Variants in PTPRN2 observed in about 807,000 individuals in gnomAD.
PTPRN2 encodes protein tyrosine phosphatase receptor type N2, also known as receptor-type tyrosine-protein phosphatase N2.
PTPRN2 carries 74 observed loss-of-function variants against 118.8 expected under a neutral mutation model. That is an observed-to-expected ratio of 0.62 (90% CI 0.52 to 0.76). The LOEUF is 0.76. Among genes scored for constraint, PTPRN2 ranks in the 30% least tolerant of loss-of-function variants. The pLI, the probability that PTPRN2 is intolerant of heterozygous loss-of-function variation, is 0.00. For missense variants in PTPRN2, 1,481 were observed against 1,394.4 expected, an observed-to-expected ratio of 1.06 and a Z score of -0.99; for synonymous variants, 641 against 608.0, an observed-to-expected ratio of 1.05 and a Z score of -0.80.
At chr7:157,703,386 G>A (rs1271577979) in intron 12 of PTPRN2, among the ~76,000 whole-genome samples, 1 of 152,232 alleles carries the variant, frequency 6.6e-6, no homozygotes, top group Non-Finnish European at 1.5e-5. Context: ...GAGGGCCTGG[G>A]GCTGCCGCTG....
intron 12 of PTPRN2, among the ~76,000 whole-genome samples, chr7:157,712,073 G>A (rs1308271535): frequency 2.6e-5 from 3 of 117,104 alleles, no homozygotes; most frequent in Non-Finnish European, 5.4e-5. Context: ...AAGGGGGGCC[G>A]GGCAGCTGGG....
chr7:157,777,254 C>T (rs142778388), intron 12 of PTPRN2, among the ~76,000 whole-genome samples: 1 of 152,210 alleles, frequency 6.6e-6, no homozygotes. Flanking sequence ...GAAACACATA[C>T]AAGTGGAATT....
Position 157,906,587 on chromosome 7 carries a change from A to G in PTPRN2, c.1724-7850T>C, listed in dbSNP as rs553036825. On this transcript the variant is annotated intron_variant, in intron 11 of 22. Transcript: ENST00000389418. ...GAAAAAATGGGGTCTTTATTCATAC[A>G]AGGTTAAGAAATAGCCTGCCAGTCA... Among the ~76,000 whole-genome samples, 125 of 152,222 alleles carry G rather than the reference A, an allele frequency of 8.2e-4. 1 individual carries two copies. Among genetic ancestry groups the G allele is most frequent in the African/African-American group, 2.9e-3 (122 of 41,530 alleles).
At chr7:158,340,430 C>G (rs1282931409) in intron 2 of PTPRN2, among the ~76,000 whole-genome samples, 5 of 55,020 alleles carry the variant, frequency 9.1e-5, no homozygotes, top group African/African-American at 1.1e-4. Context: ...CACACACACT[C>G]TCACCGTAAG....
chr7:157,709,775 G>T (rs528677628), intron 12 of PTPRN2, among the ~76,000 whole-genome samples: 1 of 152,302 alleles, frequency 6.6e-6, no homozygotes, highest in Middle Eastern at 3.4e-3. Context: ...GCCCATCCAC[G>T]GATGGCTGGG....
chr7:158,270,646 G>A (rs1798253484), intron 3 of PTPRN2, among the ~76,000 whole-genome samples: 1 of 152,062 alleles, frequency 6.6e-6, no homozygotes, highest in Admixed American at 6.5e-5. Context: ...AGCTGCAGAA[G>A]GGCCAACCCC....
At chr7:157,573,250 G>A (rs867234111) in intron 19 of PTPRN2, among the ~76,000 whole-genome samples, 8 of 152,266 alleles carry the variant, frequency 5.3e-5, no homozygotes, top group South Asian at 2.1e-4. Context: ...ATGTGCACAC[G>A]TGTGCACGTG....
intron 3 of PTPRN2, among the ~76,000 whole-genome samples, chr7:158,224,896 A>G (rs1352092151): frequency 6.6e-6 from 1 of 152,162 alleles, no homozygotes; most frequent in Non-Finnish European, 1.5e-5. Flanking sequence ...ATTCAATTAG[A>G]AAAAGGGTGA....
chr7:158,251,759 G>A (rs959666832), intron 3 of PTPRN2, among the ~76,000 whole-genome samples: 2 of 152,034 alleles, frequency 1.3e-5, no homozygotes, highest in African/African-American at 2.4e-5. Flanking sequence ...GGATGTATAT[G>A]GTGCACGTAT....
chr7:158,158,424 G>A (rs907067848), intron 6 of PTPRN2, among the ~76,000 whole-genome samples: 3 of 152,244 alleles, frequency 2.0e-5, no homozygotes, highest in South Asian at 2.1e-4. Context: ...TCAGGGTCAC[G>A]GAAGGCTCGA....
intron 3 of PTPRN2, among the ~76,000 whole-genome samples, chr7:158,225,916 GA>G (rs11356442): frequency 0.48 from 71,446 of 148,076 alleles, 18,365 homozygotes; most frequent in African/African-American, 0.67. Flanking sequence ...GGAACAGAGG[GA>G]GGGGAGTTGC....
At position 158,172,108 on chromosome 7, in the gene PTPRN2, C is replaced by T. The variant is rs113959634; in HGVS notation, c.550-4817G>A. Among the ~76,000 whole-genome samples, 322 of 152,138 alleles carry T rather than the reference C, an allele frequency of 2.1e-3. 3 individuals are homozygous for T. The highest frequency in any genetic ancestry group is 8.7e-3 in the South Asian group (42 of 4,818). ...TTCAACCCACTGCATTTCCATATGA[C>T]GAGAAGCAGAACCCACTCGCCCACA... On this transcript the variant is annotated intron_variant, in intron 5 of 22. Transcript: ENST00000389418.
In PTPRN2 at chr7:158,546,334, C is replaced by A. The variant is rs773189693; in HGVS notation, c.112+41224G>T. Among the ~76,000 whole-genome samples the A allele has an allele frequency of 1.3e-5, 2 of 152,188 alleles. No homozygotes were observed. The highest frequency in any genetic ancestry group is 2.9e-5 in the Non-Finnish European group (2 of 68,042). ...CACGCCTGCCCGGAGACGGGGTCCG[C>A]GAGGTGCCAGCTTTGCACTGTCAAA... On this transcript the variant is annotated intron_variant, in intron 1 of 22. Transcript: ENST00000389418. The surrounding 1 kb of genome is among the most constrained non-coding windows in gnomAD (Gnocchi z 5.0).
chr7:157,632,899 T>C lies in PTPRN2; in HGVS notation c.2197-11390A>G, dbSNP rs2150673525. Among the ~76,000 whole-genome samples the C allele has an allele frequency of 6.6e-6, 1 of 152,310 alleles. No homozygotes were observed. Among genetic ancestry groups the C allele is most frequent in the Admixed American group, 6.5e-5 (1 of 15,300 alleles). ...ATATTTAAATTTAGGGCAAAAGAGG[T>C]CTGCTTGGCATTCTAAGTGAAATGT... On this transcript the variant is annotated intron_variant, in intron 14 of 22. Transcript: ENST00000389418. The surrounding 1 kb of genome is among the most constrained non-coding windows in gnomAD (Gnocchi z 4.3).
chr7:158,085,869 C>A (rs1243848698), intron 10 of PTPRN2, among the ~76,000 whole-genome samples: 2 of 149,540 alleles, frequency 1.3e-5, no homozygotes, highest in Non-Finnish European at 3.0e-5. Flanking sequence ...CGACGCCCAT[C>A]CACACCTACG....
chr7:158,193,328 A>T (rs1825929440), intron 4 of PTPRN2, among the ~76,000 whole-genome samples: 1 of 152,222 alleles, frequency 6.6e-6, no homozygotes, highest in South Asian at 2.1e-4. Context: ...TGTGGCCCCC[A>T]CTAATGATGC....
At chr7:157,968,639 T>C (rs1218007555) in intron 11 of PTPRN2, among the ~76,000 whole-genome samples, 1 of 152,190 alleles carries the variant, frequency 6.6e-6, no homozygotes, top group East Asian at 1.9e-4. Flanking sequence ...GACTTCTCTA[T>C]TTGGCACATC....
At chr7:158,431,438 G>A (rs372167361) in intron 2 of PTPRN2, among the ~76,000 whole-genome samples, 25 of 10,172 alleles carry the variant, frequency 2.5e-3, no homozygotes, top group East Asian at 0.024. Flanking sequence ...CTCACACCAG[G>A]CACACACTGC....
chr7:157,927,301 A>G (rs35222120), intron 11 of PTPRN2, among the ~76,000 whole-genome samples: 38 of 23,440 alleles, frequency 1.6e-3, no homozygotes, highest in Non-Finnish European at 2.0e-3. Context: ...GAGAGCAGAG[A>G]CCTCATGTCT....
Sources: allele counts gnomAD v4.1 joint callset (sites outside exome capture counted in the v4.1 genomes callset), GRCh38; gene constraint gnomAD v4.1.1; non-coding constraint Gnocchi (gnomAD v3.1); transcripts MANE v1.5; gene names NCBI Gene and HGNC (gene_info 2026-07-23, HGNC 2026-07-21).